GPRC6A: variants seen among roughly 807,000 people sequenced by gnomAD.
GPRC6A encodes G protein-coupled receptor class C group 6 member A, also known as G protein-coupled receptor family C group 6 member A.
GPRC6A carries 54 observed loss-of-function variants against 47.0 expected under a neutral mutation model. The ratio of observed to expected loss-of-function variants is 1.15; its 90% confidence interval spans 0.92 to 1.44. The LOEUF (loss-of-function observed/expected upper bound fraction) is 1.44. GPRC6A is among the 40% of genes most tolerant of loss of function. The pLI is 0.00. For synonymous variants in GPRC6A, 347 were observed against 377.1 expected, an observed-to-expected ratio of 0.92 and a Z score of 0.93; for missense variants, 1,112 against 1,105.5, an observed-to-expected ratio of 1.01 and a Z score of -0.08.
chr6:116,792,461 G>C lies in GPRC6A; in HGVS notation c.2462C>G (p.Ser821Cys). 1 of 1,613,586 alleles carries C rather than the reference G, an allele frequency of 6.2e-7. No homozygotes were observed. The highest frequency in any genetic ancestry group is 1.1e-5 in the South Asian group (1 of 91,078). ...PAVEIIVILISNYGILYCTFI... is the reference protein window; with the variant it reads ...PAVEIIVILICNYGILYCTFI... ...TGTGCAATACAGGATTCCATAGTTAGATATTAATATGACAATAATCTCCAC... is the reference window on the plus strand; with the variant it reads ...TGTGCAATACAGGATTCCATAGTTACATATTAATATGACAATAATCTCCAC... Residue 821 changes from serine (S) to cysteine (C), a missense_variant, in exon 6 of 6, where the codon TCT becomes TGT. By Grantham distance (112) the Ser-to-Cys change is moderately radical (BLOSUM62 -1). Coordinates refer to ENST00000310357, the MANE Select transcript of GPRC6A (RefSeq NM_148963.4).
chr6:116,811,139 G>A (rs1773009927), intron 1 of GPRC6A, among the ~76,000 whole-genome samples: 1 of 152,100 alleles, frequency 6.6e-6, no homozygotes, highest in Non-Finnish European at 1.5e-5. Context: ...CTGCATCATA[G>A]CTCCCATTAA....
At chr6:116,813,593 A>T (rs1773101414) in intron 1 of GPRC6A, among the ~76,000 whole-genome samples, 1 of 152,208 alleles carries the variant, frequency 6.6e-6, no homozygotes, top group South Asian at 2.1e-4. Flanking sequence ...CTTACACCTT[A>T]TACAAAAGTT....
rs1223137412 is a variant in GPRC6A, at chr6:116,806,775, C to G, written c.930G>C (p.Lys310Asn). 1.2e-6 allele frequency: 2 copies of G among 1,613,644 alleles called. No individual in the cohort carries two copies. Among genetic ancestry groups the G allele is most frequent in the Non-Finnish European group, 1.7e-6 (2 of 1,179,772 alleles). The part of the protein sequence containing the change: ...IASDNWSTAT[K>N]ITTIPNVKKI... The stretch of plus-strand genomic sequence containing the variant: ...TTTTAACATTAGGAATGGTGGTAAT[C>G]TTGGTGGCAGTTGACCAATTATCAC... Residue 310 changes from lysine (K) to asparagine (N), a missense_variant, in exon 3 of 6, where the codon AAG becomes AAC. Lys to Asn is a moderately conservative substitution (Grantham distance 94). Coordinates refer to ENST00000310357, the MANE Select transcript of GPRC6A (RefSeq NM_148963.4).
chr6:116,821,065 A>G (rs1773456440), intron 1 of GPRC6A, among the ~76,000 whole-genome samples: 1 of 149,386 alleles, frequency 6.7e-6, no homozygotes, highest in Admixed American at 6.6e-5. Flanking sequence ...TACACCAACA[A>G]CAGACAAACA....
Position 116,809,346 on chromosome 6 carries a change from A to G in GPRC6A, c.466T>C (p.Ser156Pro). 1 of 1,613,538 alleles carries G rather than the reference A, an allele frequency of 6.2e-7. No individual in the cohort carries two copies. The highest frequency in any genetic ancestry group is 8.5e-7 in the Non-Finnish European group (1 of 1,179,618). The change falls in exon 2 of 6, where the codon TCC (serine) becomes CCC (proline). Residue 156 changes from serine (S) to proline (P), a missense_variant. Physicochemically the swap from Ser to Pro is moderately conservative, Grantham distance 74. Transcript: ENST00000310357. ...ATGAGCTGTAAATTCAACATCCTGGAGACAGCCATAGTTATTTCTGAGTAC... is the reference window on the plus strand; with the variant it reads ...ATGAGCTGTAAATTCAACATCCTGGGGACAGCCATAGTTATTTCTGAGTAC... ...SGYSEITMAV[S>P]RMLNLQLMPQ...
rs367586945 is a variant in GPRC6A, at chr6:116,806,592, A to G, written c.1113T>C (p.Asp371=). Residue 371 remains aspartate (D), a synonymous_variant, in exon 3 of 6, where the codon GAT becomes GAC. Coordinates refer to ENST00000310357, the MANE Select transcript of GPRC6A (RefSeq NM_148963.4). ...AATGATTGAATATGCATTGACTCAAATCAGTGTCCTTGACATATGCGCAGG... is the reference window on the plus strand; with the variant it reads ...AATGATTGAATATGCATTGACTCAAGTCAGTGTCCTTGACATATGCGCAGG... The part of the protein sequence containing the change: ...LSACAYVKDT[D]LSQCIFNHSQ... 2 of 1,613,516 alleles carry G rather than the reference A, an allele frequency of 1.2e-6. No homozygotes were observed. The highest frequency in any genetic ancestry group is 2.7e-5 in the African/African-American group (2 of 74,898).
intron 1 of GPRC6A, among the ~76,000 whole-genome samples, chr6:116,814,714 G>A (rs1229407748): frequency 2.0e-5 from 3 of 151,864 alleles, no homozygotes; most frequent in Non-Finnish European, 4.4e-5. Context: ...TATCAAACCT[G>A]CAAGTTGTGC....
intron 1 of GPRC6A, among the ~76,000 whole-genome samples, chr6:116,821,162 G>A (rs961608676): frequency 1.3e-5 from 2 of 151,754 alleles, no homozygotes; most frequent in Admixed American, 6.6e-5. Flanking sequence ...GGGATGTGAA[G>A]GACCTCTTCA....
upstream of GPRC6A, chr6:116,829,086 C>A: frequency 6.6e-7 from 1 of 1,520,770 alleles, no homozygotes; most frequent in Non-Finnish European, 8.8e-7. Context: ...AGCAAGATTC[C>A]TATTTCACCT....
intron 1 of GPRC6A, among the ~76,000 whole-genome samples, chr6:116,821,839 C>G (rs1773494229): frequency 6.6e-6 from 1 of 151,124 alleles, no homozygotes; most frequent in Admixed American, 6.6e-5. Flanking sequence ...GCAATGGCAA[C>G]AAAAGCCAAA....
At chr6:116,800,336 CT>C (rs1772629784) in intron 4 of GPRC6A, among the ~76,000 whole-genome samples, 7 of 126,238 alleles carry the variant, frequency 5.5e-5, no homozygotes, top group African/African-American at 1.8e-4. Flanking sequence ...TCCTTCCTTC[CT>C]TCCTTCTTTC....
At chr6:116,819,060 A>G (rs542046886) in intron 1 of GPRC6A, among the ~76,000 whole-genome samples, 1 of 152,298 alleles carries the variant, frequency 6.6e-6, no homozygotes, top group East Asian at 1.9e-4. Context: ...TTGCAATCCT[A>G]GTCTCTGATA....
intron 3 of GPRC6A, among the ~76,000 whole-genome samples, chr6:116,802,203 C>T (rs548843002): frequency 6.6e-6 from 1 of 152,090 alleles, no homozygotes; most frequent in African/African-American, 2.4e-5. Context: ...TTTATGCTTG[C>T]TCTTACAGGA....
At chr6:116,827,923 A>G (rs2114630625) in intron 1 of GPRC6A, among the ~76,000 whole-genome samples, 1 of 152,200 alleles carries the variant, frequency 6.6e-6, no homozygotes, top group South Asian at 2.1e-4. Context: ...AAAGAAAGGT[A>G]AGAGAAAAAA....
At chr6:116,808,478 TAA>T (rs1215985745) in intron 2 of GPRC6A, among the ~76,000 whole-genome samples, 1 of 152,176 alleles carries the variant, frequency 6.6e-6, no homozygotes, top group African/African-American at 2.4e-5. Flanking sequence ...CGTTTTGGAT[TAA>T]ATTTTTTATT....
At position 116,795,714 on chromosome 6, in the gene GPRC6A, G is replaced by A; in HGVS notation, c.1670C>T (p.Thr557Ile). The change falls in exon 5 of 6, where the codon ACA becomes ATA. Residue 557 changes from threonine (T) to isoleucine (I), a missense_variant and splice_region_variant. By Grantham distance (89) the Thr-to-Ile change is moderately conservative. Coordinates refer to ENST00000310357, the MANE Select transcript of GPRC6A (RefSeq NM_148963.4). ...NCPENHYTNQ[T>I]DMPHCLLCNN... Reference sequence around the variant, plus strand: ...GTATGTGGAGTGACTGTGATTACCTGTCTGATTAGTGTAATGATTTTCAGG... The same window carrying A: ...GTATGTGGAGTGACTGTGATTACCTATCTGATTAGTGTAATGATTTTCAGG... The A allele has an allele frequency of 6.2e-7, 1 of 1,607,564 alleles. No individual in the cohort carries two copies. Among genetic ancestry groups the A allele is most frequent in the Non-Finnish European group, 8.5e-7 (1 of 1,175,724 alleles).
At position 116,795,725 on chromosome 6, in the gene GPRC6A, G is replaced by A. The variant is rs1772462800; in HGVS notation, c.1659C>T (p.Tyr553=). The part of the protein sequence containing the change: ...YECQNCPENH[Y]TNQTDMPHCL... ...GACTGTGATTACCTGTCTGATTAGT[G>A]TAATGATTTTCAGGACAGTTCTGAC... Residue 553 remains tyrosine, a synonymous_variant, in exon 5 of 6, where the codon TAC becomes TAT. Coordinates refer to ENST00000310357, the MANE Select transcript of GPRC6A (RefSeq NM_148963.4). The A allele has an allele frequency of 1.2e-6, 2 of 1,610,134 alleles. No individual in the cohort carries two copies. Among genetic ancestry groups the A allele is most frequent in the Non-Finnish European group, 1.7e-6 (2 of 1,177,320 alleles).
Position 116,793,164 on chromosome 6 carries a change from G to C in GPRC6A, c.1759C>G (p.Leu587Val). 1 of 1,613,288 alleles carries C rather than the reference G, an allele frequency of 6.2e-7. No individual in the cohort carries two copies. The highest frequency in any genetic ancestry group is 8.5e-7 in the Non-Finnish European group (1 of 1,179,368). Residue 587 changes from leucine (L) to valine (V), a missense_variant, in exon 6 of 6, where the codon CTC (leucine) becomes GTC (valine). Leu to Val is a conservative substitution (Grantham distance 32). Coordinates refer to ENST00000310357, the MANE Select transcript of GPRC6A (RefSeq NM_148963.4). ...ATGGCCAAGGAGTCATTCCAGTTGA[G>C]ATATTCCACTTCCTTTTCAAAGCAC... ...TMCFEKEVEY[L>V]NWNDSLAILL...
At chr6:116,823,704 A>G (rs555692717) in intron 1 of GPRC6A, among the ~76,000 whole-genome samples, 6 of 152,230 alleles carry the variant, frequency 3.9e-5, no homozygotes, top group Admixed American at 6.5e-5. Context: ...AGTAATTTAT[A>G]AAGAAAAGAG....
Sources: gnomAD v4.1 joint callset for allele counts (sites outside exome capture counted in the v4.1 genomes callset) on GRCh38, gnomAD v4.1.1 for gene constraint, MANE v1.5 for transcripts, NCBI Gene and HGNC (gene_info 2026-07-23, HGNC 2026-07-21) for gene names.